Variants in SHQ1 observed in about 807,000 individuals in gnomAD.
SHQ1 encodes SHQ1, H/ACA ribonucleoprotein assembly factor.
SHQ1 carries 49 observed loss-of-function variants against 53.8 expected under a neutral mutation model. The ratio of observed to expected loss-of-function variants is 0.91; its 90% CI spans 0.72 to 1.16. The LOEUF (loss-of-function observed/expected upper bound fraction) is 1.16, where lower values mean the gene tolerates loss of function less well. Ranked by LOEUF, SHQ1 falls within the 50% of genes most tolerant of loss-of-function variation. SHQ1 has a pLI of 0.00. For synonymous variants in SHQ1, 243 were observed against 251.0 expected (o/e 0.97, Z 0.30); for missense variants, 738 against 683.1 (o/e 1.08, Z -0.90).
At chr3:72,809,084 G>A (rs984919973) in intron 9 of SHQ1, among the ~76,000 whole-genome samples, 6 of 151,162 alleles carry the variant, frequency 4.0e-5, no homozygotes, top group Admixed American at 6.6e-5. Context: ...AATTTTAACC[G>A]TAGATACCAA....
intron 5 of SHQ1, among the ~76,000 whole-genome samples, chr3:72,829,936 T>C (rs1249193109): frequency 6.6e-6 from 1 of 152,158 alleles, no homozygotes; most frequent in Admixed American, 6.5e-5. Flanking sequence ...TACTTGGCTA[T>C]AATAATAAGC....
intron 9 of SHQ1, among the ~76,000 whole-genome samples, chr3:72,801,573 T>G (rs539451135): frequency 3.9e-4 from 60 of 152,280 alleles, no homozygotes; most frequent in African/African-American, 1.2e-3. Flanking sequence ...GATGAATTTA[T>G]TTTGGTGATC....
chr3:72,793,054 A>C lies in SHQ1; in HGVS notation c.1061-18T>G. On this transcript the variant is annotated intron_variant, in intron 9 of 10. Coordinates refer to ENST00000325599, the MANE Select transcript of SHQ1 (RefSeq NM_018130.3). Reference sequence around the variant, plus strand: ...ACTTTTACCTAAAGAAAATTGAAAAAACATAAAATTATCCTTAAGAAAAAG... The same window carrying C: ...ACTTTTACCTAAAGAAAATTGAAAACACATAAAATTATCCTTAAGAAAAAG... 1.9e-6 allele frequency: 3 copies of C among 1,587,990 alleles called. No homozygotes were observed. Among genetic ancestry groups the C allele is most frequent in the Non-Finnish European group, 2.6e-6 (3 of 1,164,876 alleles).
rs144928216 is a variant in SHQ1 at position 72,750,407 on chromosome 3, A to G, written c.1611T>C (p.Pro537=). ...GTTGTTCCCCAAGCTCCTCTATCAG[A>G]GGCCCAGACACTCCAAGAGGCCAGG... The part of the protein sequence containing the change: ...ASSWPLGVSG[P]LIEELGEQLK... The change falls in exon 11 of 11, where the codon CCT becomes CCC. Residue 537 remains proline (P), a synonymous_variant. Coordinates refer to ENST00000325599, the MANE Select transcript of SHQ1 (RefSeq NM_018130.3). 6.2e-6 allele frequency: 10 copies of G among 1,614,026 alleles called. No homozygotes were observed. Among genetic ancestry groups the G allele is most frequent in the Non-Finnish European group, 7.6e-6 (9 of 1,180,046 alleles).
At chr3:72,840,610 G>A (rs1274055546) in intron 4 of SHQ1, among the ~76,000 whole-genome samples, 2 of 148,588 alleles carry the variant, frequency 1.3e-5, no homozygotes, top group Admixed American at 1.3e-4. Context: ...TATACACCAA[G>A]AATTAGACAA....
At chr3:72,777,594 AAAGTAT>A (rs1359691167) in intron 10 of SHQ1, among the ~76,000 whole-genome samples, 1 of 152,252 alleles carries the variant, frequency 6.6e-6, no homozygotes, top group Non-Finnish European at 1.5e-5. Flanking sequence ...ATTGCTGGTT[AAAGTAT>A]AAGTTGAAAT....
At chr3:72,747,776 T>C (rs1260651909), downstream of SHQ1, among the ~76,000 whole-genome samples, 1 of 151,948 alleles carries the variant, frequency 6.6e-6, no homozygotes, top group African/African-American at 2.4e-5. Flanking sequence ...TCACCTGAGG[T>C]CAGGAGTTCG....
chr3:72,792,873 T>A, intron 10 of SHQ1, 43 bp downstream of exon 10: 1 of 1,536,164 alleles, frequency 6.5e-7, no homozygotes, highest in Non-Finnish European at 8.8e-7. Flanking sequence ...ATTTCAGCAA[T>A]GTGAACATCT....
At chr3:72,772,526 T>C (rs1237102210) in intron 10 of SHQ1, 2 of 639,402 alleles carry the variant, frequency 3.1e-6, no homozygotes, top group Admixed American at 1.9e-5. Context: ...TGACAAGTCG[T>C]ACACAACCTA....
At chr3:72,771,195 G>A (rs1705842668) in intron 10 of SHQ1, among the ~76,000 whole-genome samples, 1 of 152,174 alleles carries the variant, frequency 6.6e-6, no homozygotes, top group African/African-American at 2.4e-5. Flanking sequence ...GCCAGAAGCC[G>A]TATCTAATTC....
chr3:72,791,975 A>T (rs1469619031), intron 10 of SHQ1, among the ~76,000 whole-genome samples: 12 of 152,224 alleles, frequency 7.9e-5, no homozygotes, highest in African/African-American at 2.9e-4. Context: ...TGTAATCGTT[A>T]ATCTACTATG....
Position 72,776,524 on chromosome 3 carries a change from G to A in SHQ1, c.1181+16392C>T, listed in dbSNP as rs534425816. On this transcript the variant is annotated intron_variant, in intron 10 of 10. Coordinates refer to ENST00000325599, the MANE Select transcript of SHQ1 (RefSeq NM_018130.3). Reference sequence around the variant, plus strand: ...TGCCTAATGATACACTTCTTAGAACGTATCCCTATCATTAAGCAATGCATG... The same window carrying A: ...TGCCTAATGATACACTTCTTAGAACATATCCCTATCATTAAGCAATGCATG... Among the ~76,000 whole-genome samples, 20 of 152,202 alleles carry A rather than the reference G, an allele frequency of 1.3e-4. No homozygotes were observed. In the South Asian group the frequency reaches 3.7e-3, roughly 28 times the overall value.
At chr3:72,732,261 C>G in the SHQ1 span, among the ~76,000 whole-genome samples, 19 of 151,206 alleles carry the variant, frequency 1.3e-4, no homozygotes, top group African/African-American at 4.6e-4. Context: ...GAGATGCCAG[C>G]AGTGCCGGCA....
chr3:72,730,720 A>C, the SHQ1 span, among the ~76,000 whole-genome samples: 3 of 152,318 alleles, frequency 2.0e-5, no homozygotes, highest in Admixed American at 6.5e-5. Flanking sequence ...TAGAATTAAG[A>C]CACTTCATGA....
At chr3:72,738,547 G>A in the SHQ1 span, among the ~76,000 whole-genome samples, 4 of 152,248 alleles carry the variant, frequency 2.6e-5, no homozygotes, top group South Asian at 6.2e-4. Context: ...GGATGGGGGT[G>A]GGATGGGAGT....
chr3:72,825,902 T>C (rs1486452149), intron 5 of SHQ1, among the ~76,000 whole-genome samples: 3 of 152,202 alleles, frequency 2.0e-5, no homozygotes, highest in Non-Finnish European at 4.4e-5. Flanking sequence ...ACGGAGTTCT[T>C]TGTATGTTCC....
chr3:72,765,298 G>A (rs1361209317), intron 10 of SHQ1, among the ~76,000 whole-genome samples: 1 of 151,896 alleles, frequency 6.6e-6, no homozygotes, highest in Non-Finnish European at 1.5e-5. Context: ...TGTCCATTCA[G>A]ATGCCACCAC....
intron 10 of SHQ1, among the ~76,000 whole-genome samples, chr3:72,752,494 T>C (rs1705407131): frequency 6.6e-6 from 1 of 152,322 alleles, no homozygotes; most frequent in East Asian, 1.9e-4. Flanking sequence ...GGAGTGCTTT[T>C]TCTTTTTATG....
chr3:72,778,459 A>C (rs1290976090), intron 10 of SHQ1, among the ~76,000 whole-genome samples: 1 of 150,870 alleles, frequency 6.6e-6, no homozygotes, highest in Non-Finnish European at 1.5e-5. Flanking sequence ...AAAAAAGAAA[A>C]GAAAAGAAAA....
Sources: allele counts gnomAD v4.1 joint callset (sites outside exome capture counted in the v4.1 genomes callset), GRCh38; gene constraint gnomAD v4.1.1; transcripts MANE v1.5; gene names NCBI Gene and HGNC (gene_info 2026-07-23, HGNC 2026-07-21).